Variants in DLC1 observed in about 807,000 individuals in gnomAD.
DLC1 encodes DLC1 Rho GTPase activating protein.
DLC1 carries 54 observed loss-of-function variants against 140.3 expected under a neutral mutation model. The observed-to-expected ratio is 0.38, with a 90% confidence interval of 0.31 to 0.48. The LOEUF (loss-of-function observed/expected upper bound fraction) is 0.48, where lower values mean the gene tolerates loss of function less well. Among genes scored for constraint, DLC1 ranks in the 20% least tolerant of loss-of-function variants. DLC1 has a pLI of 0.96. For missense variants in DLC1, 2,536 were observed against 1,907.0 expected (o/e 1.33, Z -6.14); for synonymous variants, 986 against 728.1 (o/e 1.35, Z -5.70).
intron 5 of DLC1, among the ~76,000 whole-genome samples, chr8:13,229,778 G>A (rs1028169954): frequency 4.6e-5 from 7 of 152,260 alleles, no homozygotes; most frequent in Admixed American, 2.0e-4. Flanking sequence ...CTAGGCTGAT[G>A]AAGAGAAGCT....
intron 4 of DLC1, among the ~76,000 whole-genome samples, chr8:13,350,200 C>A (rs1305148180): frequency 6.6e-6 from 1 of 152,116 alleles, no homozygotes; most frequent in Non-Finnish European, 1.5e-5. Context: ...AATATATTTC[C>A]TTCTTTTAAG....
intron 5 of DLC1, among the ~76,000 whole-genome samples, chr8:13,135,912 A>G (rs1257512231): frequency 6.6e-6 from 1 of 152,150 alleles, no homozygotes; most frequent in East Asian, 1.9e-4. Flanking sequence ...TGCTCATTGT[A>G]TAATAATACT....
chr8:13,551,430 G>T (rs1803847634), intron 1 of DLC1, among the ~76,000 whole-genome samples: 1 of 151,876 alleles, frequency 6.6e-6, no homozygotes, highest in Non-Finnish European at 1.5e-5. Context: ...AAACTAATTT[G>T]CCTAAGAACG....
At chr8:13,524,108 T>TTTATTATTATTA (rs77161996) in intron 1 of DLC1, among the ~76,000 whole-genome samples, 2 of 138,718 alleles carry the variant, frequency 1.4e-5, no homozygotes, top group African/African-American at 5.3e-5. Flanking sequence ...ATCTATTCTA[T>TTTATTATTATTA]TTATTATTAT....
chr8:13,534,169 C>A (rs1803191501), intron 1 of DLC1, among the ~76,000 whole-genome samples: 1 of 152,082 alleles, frequency 6.6e-6, no homozygotes, highest in South Asian at 2.1e-4. Flanking sequence ...CAAATTTATG[C>A]CAGCAATTTC....
rs1158353067 is a variant in DLC1, at chr8:13,085,605, A to C, written c.*206T>G. The C allele has an allele frequency of 6.2e-6, 4 of 640,538 alleles. No homozygotes were observed. The highest frequency in any genetic ancestry group is 9.6e-6 in the Non-Finnish European group (4 of 414,936). 39.7% of individuals were successfully genotyped at this position (640,538 alleles called of 1,614,324 possible). ...TTTTTTTTTTTTTGCACAGTCTTACATATTCCAGTCAAGGTCTATGAATAC... is the reference window on the plus strand; with the variant it reads ...TTTTTTTTTTTTTGCACAGTCTTACCTATTCCAGTCAAGGTCTATGAATAC... On this transcript the variant is annotated 3_prime_UTR_variant, in exon 18 of 18. Coordinates refer to ENST00000276297, the MANE Select transcript of DLC1 (RefSeq NM_182643.3).
intron 2 of DLC1, among the ~76,000 whole-genome samples, chr8:13,482,950 C>T (rs1000625868): frequency 6.6e-6 from 1 of 152,176 alleles, no homozygotes; most frequent in Admixed American, 6.5e-5. Flanking sequence ...TGAGGCTGCT[C>T]TAACAAATCA....
intron 1 of DLC1, among the ~76,000 whole-genome samples, chr8:13,594,945 T>C (rs1805635752): frequency 6.6e-6 from 1 of 152,072 alleles, no homozygotes; most frequent in African/African-American, 2.4e-5. Context: ...GACTATTGAT[T>C]GATTCTTAAT....
At chr8:13,504,097 C>G (rs1341080265) in intron 1 of DLC1, among the ~76,000 whole-genome samples, 1 of 148,186 alleles carries the variant, frequency 6.7e-6, no homozygotes, top group African/African-American at 2.5e-5. Flanking sequence ...TGGAGGGTAA[C>G]ATTTATCAGA....
intron 4 of DLC1, among the ~76,000 whole-genome samples, chr8:13,348,317 G>A (rs766777163): frequency 2.0e-5 from 3 of 152,082 alleles, no homozygotes; most frequent in Non-Finnish European, 2.9e-5. Flanking sequence ...TGGGGCAAGC[G>A]GTAAAAAACT....
chr8:13,440,438 C>T lies in DLC1; in HGVS notation c.1024-38819G>A, dbSNP rs546621572. On this transcript the variant is annotated intron_variant, in intron 2 of 17. Coordinates refer to ENST00000276297, the MANE Select transcript of DLC1 (RefSeq NM_182643.3). ...AAATCTCAAATTTCCTGTCCCAGCT[C>T]TCCTTTATTAGCTACATGTGTCAAT... is the stretch of plus-strand genomic sequence containing the variant. 3.3e-5 allele frequency among the ~76,000 whole-genome samples: 5 copies of T among 152,258 alleles called. 1 individual carries two copies. The South Asian group carries it at 1.0e-3, about 32-fold the overall frequency.
Position 13,158,733 on chromosome 8 carries a change from TCCCCCCC to T in DLC1, c.1349-43083_1349-43077del, listed in dbSNP as rs71207127. 6.8e-5 allele frequency among the ~76,000 whole-genome samples: 4 copies of T among 58,984 alleles called. 2 individuals carry two copies. Among genetic ancestry groups the T allele is most frequent in the African/African-American group, 2.7e-4 (4 of 14,970 alleles). 38.7% of individuals were successfully genotyped at this position (58,984 alleles called of 152,430 possible). A position where few individuals can be genotyped will look rare whatever the true frequency, so the allele number is the denominator to read the frequency against. On this transcript the variant is annotated intron_variant, in intron 5 of 17. Transcript: ENST00000276297. The stretch of plus-strand genomic sequence containing the variant: ...GAGTTAATGTTCACAACCACCACCC[TCCCCCCC>T]CCCCCCCGCCCGCCACACATCTCTC...
At chr8:13,208,770 AC>A (rs1827797133) in intron 5 of DLC1, among the ~76,000 whole-genome samples, 1 of 150,550 alleles carries the variant, frequency 6.6e-6, no homozygotes, top group African/African-American at 2.5e-5. Context: ...ACACACACAC[AC>A]ACACTTCTAA....
At chr8:13,135,451 G>A (rs1176534021) in intron 5 of DLC1, among the ~76,000 whole-genome samples, 1 of 152,054 alleles carries the variant, frequency 6.6e-6, no homozygotes, top group Admixed American at 6.6e-5. Context: ...AAAGTGCTGG[G>A]ATAACAGGCG....
intron 1 of DLC1, chr8:13,558,662 GATA>G (rs1293168083): frequency 6.6e-6 from 1 of 152,100 alleles, no homozygotes; most frequent in African/African-American, 2.4e-5. Context: ...AATACCTTAT[GATA>G]ATAATATGTT....
intron 1 of DLC1, among the ~76,000 whole-genome samples, chr8:13,508,688 G>C (rs1802223727): frequency 6.6e-6 from 1 of 152,110 alleles, no homozygotes; most frequent in African/African-American, 2.4e-5. Flanking sequence ...AAAGTGCTGG[G>C]ATTACAGGCG....
chr8:13,483,328 C>T (rs909378191), intron 2 of DLC1, among the ~76,000 whole-genome samples: 2 of 152,122 alleles, frequency 1.3e-5, no homozygotes, highest in East Asian at 1.9e-4. Flanking sequence ...TTGCAGGTTC[C>T]AGGGGTTACA....
intron 4 of DLC1, among the ~76,000 whole-genome samples, chr8:13,335,473 G>A (rs916666162): frequency 6.6e-6 from 1 of 152,194 alleles, no homozygotes; most frequent in Admixed American, 6.5e-5. Flanking sequence ...TTCTAGATCA[G>A]CTCATATTTA....
chr8:13,320,604 G>C (rs988899172), intron 4 of DLC1, among the ~76,000 whole-genome samples: 2 of 152,092 alleles, frequency 1.3e-5, no homozygotes, highest in Non-Finnish European at 2.9e-5. Context: ...GTTGGAGGTG[G>C]GGTCTCATGG....
Sources: gnomAD v4.1 joint callset for allele counts (sites outside exome capture counted in the v4.1 genomes callset) on GRCh38, gnomAD v4.1.1 for gene constraint, MANE v1.5 for transcripts, NCBI Gene and HGNC (gene_info 2026-07-23, HGNC 2026-07-21) for gene names.